The following OVCH1 variants were observed in gnomAD, a reference collection of about 807,000 sequenced individuals.
OVCH1 encodes ovochymase-1.
OVCH1 carries 139 observed loss-of-function variants against 138.4 expected under a neutral mutation model. The ratio of observed to expected loss-of-function variants is 1.00; its 90% CI spans 0.87 to 1.16. OVCH1 has a LOEUF of 1.16. OVCH1 is among the 50% of genes most tolerant of loss of function. OVCH1 has a pLI of 0.00. For missense variants in OVCH1, 1,367 were observed against 1,357.9 expected (o/e 1.01, Z -0.11); for synonymous variants, 453 against 467.8 (o/e 0.97, Z 0.41).
intron 16 of OVCH1, among the ~76,000 whole-genome samples, chr12:29,470,462 T>G (rs572313884): frequency 6.6e-6 from 1 of 152,286 alleles, no homozygotes; most frequent in East Asian, 1.9e-4. Context: ...AGTGAGAACA[T>G]GCATTGTTTG....
intron 21 of OVCH1, among the ~76,000 whole-genome samples, chr12:29,453,153 T>C (rs1046890822): frequency 3.3e-5 from 5 of 152,124 alleles, no homozygotes; most frequent in Non-Finnish European, 7.3e-5. Flanking sequence ...TTTAACTCAG[T>C]CCATTGAAAT....
chr12:29,491,934 G>A (rs536519599), intron 4 of OVCH1, among the ~76,000 whole-genome samples: 3 of 152,216 alleles, frequency 2.0e-5, no homozygotes, highest in African/African-American at 2.4e-5. Context: ...AGATCTCAAC[G>A]AATGAACAGA....
intron 16 of OVCH1, among the ~76,000 whole-genome samples, chr12:29,467,178 A>G (rs1942350573): frequency 6.6e-6 from 1 of 152,122 alleles, no homozygotes; most frequent in African/African-American, 2.4e-5. Context: ...AAACTTTTTC[A>G]AAGTCACCCT....
chr12:29,464,762 C>G, intron 17 of OVCH1, 60 bp from the exon 18 acceptor site: 2 of 1,426,518 alleles, frequency 1.4e-6, no homozygotes, highest in Non-Finnish European at 1.9e-6. Flanking sequence ...CCAGCAACTT[C>G]CTTGTTGATG....
intron 6 of OVCH1, 83 bp from the exon 7 acceptor site, chr12:29,487,965 T>A (rs1943160188): frequency 7.5e-7 from 1 of 1,335,122 alleles, no homozygotes; most frequent in African/African-American, 1.5e-5. Flanking sequence ...TCAGCACTCA[T>A]CACAAAGTGA....
exon 12 of OVCH1, chr12:29,477,141 A>G: frequency 3.1e-6 from 5 of 1,613,064 alleles, no homozygotes; most frequent in Non-Finnish European, 4.2e-6. Context: ...TGAACCAATG[A>G]CACCTTGTGT....
chr12:29,480,993 GA>G (rs1475018560), intron 8 of OVCH1, among the ~76,000 whole-genome samples: 1 of 152,078 alleles, frequency 6.6e-6, no homozygotes, highest in Non-Finnish European at 1.5e-5. Context: ...GACCTGAATT[GA>G]AAGAGTTCTT....
intron 8 of OVCH1, among the ~76,000 whole-genome samples, chr12:29,482,536 TTG>T (rs1555153759): frequency 6.6e-6 from 1 of 152,204 alleles, no homozygotes; most frequent in East Asian, 1.9e-4. Context: ...GCAAACATTT[TTG>T]TGTGTTTCAT....
chr12:29,496,511 T>C, intron 2 of OVCH1, 45 bp downstream of exon 2: 1 of 1,473,724 alleles, frequency 6.8e-7, no homozygotes, highest in Non-Finnish European at 9.3e-7. Context: ...AAGGAAATAT[T>C]TCACTGTTTT....
chr12:29,493,406 C>T (rs1425357263), intron 4 of OVCH1, among the ~76,000 whole-genome samples: 1 of 152,110 alleles, frequency 6.6e-6, no homozygotes, highest in Non-Finnish European at 1.5e-5. Flanking sequence ...GTTGGAGTTA[C>T]TAAGCTTTTT....
intron 22 of OVCH1, among the ~76,000 whole-genome samples, chr12:29,446,698 ATATAG>A (rs1214533216): frequency 1.3e-5 from 2 of 152,118 alleles, no homozygotes; most frequent in Non-Finnish European, 2.9e-5. Context: ...CTGTATAATA[ATATAG>A]TATATTATTG....
chr12:29,415,376 G>C (rs1448638770), intron 3 of OVCH1, among the ~76,000 whole-genome samples: 1 of 152,088 alleles, frequency 6.6e-6, no homozygotes, highest in Non-Finnish European at 1.5e-5. Flanking sequence ...GATTTTAAGG[G>C]CACTAAATAT....
At chr12:29,458,308 C>T (rs1464362743) in intron 19 of OVCH1, among the ~76,000 whole-genome samples, 1 of 148,980 alleles carries the variant, frequency 6.7e-6, no homozygotes, top group Non-Finnish European at 1.5e-5. Context: ...AACAATGGAA[C>T]AGAATAGAAA....
rs539909201 is a variant in OVCH1, at chr12:29,495,798, C to G, written c.282-341G>C. ...TTCCTTCTTTTCTCTTATTAGTACC[C>G]TCTTTTAATCTGGTCAAATATTTGT... On this transcript the variant is annotated intron_variant, in intron 3 of 27. Coordinates refer to ENST00000318184, the Ensembl canonical transcript of OVCH1. Among the ~76,000 whole-genome samples the G allele has an allele frequency of 1.4e-4, 21 of 152,224 alleles. No individual in the cohort carries two copies. The East Asian group carries it at 2.3e-3, about 17-fold the overall frequency.
chr12:29,496,437 G>A lies in OVCH1; in HGVS notation c.183+119C>T, dbSNP rs1411872418. ...TAGTTCCTACGAAGTAAACTTTTTG[G>A]TAGAGAGCTAGAGGGGTTCAGGAGA... is the stretch of plus-strand genomic sequence containing the variant. On this transcript the variant is annotated intron_variant, in intron 2 of 27. Coordinates refer to ENST00000318184, the Ensembl canonical transcript of OVCH1. The A allele has an allele frequency of 7.9e-6, 9 of 1,134,638 alleles. No homozygotes were observed. The East Asian group carries it at 2.0e-4, about 25-fold the overall frequency. 70.3% of individuals were successfully genotyped at this position (1,134,638 alleles called of 1,614,324 possible). A position where few individuals can be genotyped will look rare whatever the true frequency, so the allele number is the denominator to read the frequency against.
At chr12:29,402,960 G>A in the OVCH1 span, among the ~76,000 whole-genome samples, 1 of 152,072 alleles carries the variant, frequency 6.6e-6, no homozygotes, top group African/African-American at 2.4e-5. Context: ...TTAAATCAAG[G>A]TTCATTAGAC....
At chr12:29,466,211 C>T (rs776028445) in intron 16 of OVCH1, among the ~76,000 whole-genome samples, 182 of 151,890 alleles carry the variant, frequency 1.2e-3, no homozygotes, top group Non-Finnish European at 1.9e-3. Context: ...CAAACCTGCA[C>T]GTTGTGCACA....
chr12:29,413,032 T>C (rs950918659), intron 3 of OVCH1, among the ~76,000 whole-genome samples: 6 of 152,046 alleles, frequency 3.9e-5, no homozygotes, highest in African/African-American at 1.4e-4. Context: ...TTCTTTTTTT[T>C]TTTTTTTCTT....
At chr12:29,479,124 G>A (rs116010366) in intron 8 of OVCH1, among the ~76,000 whole-genome samples, 156 bp from the exon 10 acceptor site, 3,432 of 152,188 alleles carry the variant, frequency 0.023, 45 homozygotes, top group Middle Eastern at 0.041. Context: ...AGAAAAATTC[G>A]TGCTCAAATT....
Sources: gnomAD v4.1 joint callset for allele counts (sites outside exome capture counted in the v4.1 genomes callset) on GRCh38, gnomAD v4.1.1 for gene constraint, MANE v1.5 for transcripts, NCBI Gene and HGNC (gene_info 2026-07-23, HGNC 2026-07-21) for gene names.